Variants in CNOT8 observed in about 807,000 individuals in gnomAD.
The protein encoded by CNOT8 is CCR4-NOT transcription complex subunit 8, also known as CAF1-like protein.
A neutral mutation model predicts 34.6 loss-of-function variants in CNOT8; 18 were observed. The observed-to-expected ratio is 0.52, with a 90% CI of 0.36 to 0.77. CNOT8 has a LOEUF of 0.77. Ranked by LOEUF, CNOT8 falls within the 30% of genes least tolerant of loss-of-function variation. The probability of loss-of-function intolerance (pLI) is 0.00; values close to 1 mark genes in which losing one functional copy is unlikely to be tolerated. For missense variants in CNOT8, 189 were observed against 347.9 expected, an observed-to-expected ratio of 0.54 and a Z score of 3.63; for synonymous variants, 101 against 118.8, an observed-to-expected ratio of 0.85 and a Z score of 0.98.
At chr5:154,863,802 T>C (rs1189323633) in intron 2 of CNOT8, among the ~76,000 whole-genome samples, 5 of 152,212 alleles carry the variant, frequency 3.3e-5, no homozygotes, top group Non-Finnish European at 7.3e-5. Flanking sequence ...TGAAAGTCTT[T>C]AAAGCAGAAG....
intron 5 of CNOT8, 86 bp downstream of exon 5, chr5:154,871,960 C>T: frequency 8.6e-7 from 1 of 1,158,138 alleles, no homozygotes. Context: ...GTTCAGCATG[C>T]ATTTTTGAGT....
At chr5:154,873,476 T>C (rs1762670128) in intron 6 of CNOT8, among the ~76,000 whole-genome samples, 1 of 152,214 alleles carries the variant, frequency 6.6e-6, no homozygotes. Context: ...GTTCTGTTAA[T>C]TATTATTAAA....
intron 1 of CNOT8, among the ~76,000 whole-genome samples, chr5:154,860,579 A>G (rs1761239360): frequency 6.6e-6 from 1 of 152,134 alleles, no homozygotes; most frequent in African/African-American, 2.4e-5. Context: ...AAGTGCTGGG[A>G]TTACAGGTGT....
At chr5:154,861,502 C>A (rs1761332254) in intron 1 of CNOT8, among the ~76,000 whole-genome samples, 1 of 152,208 alleles carries the variant, frequency 6.6e-6, no homozygotes, top group South Asian at 2.1e-4. Context: ...GCTCCAGATT[C>A]TCATTGTTGC....
intron 3 of CNOT8, 182 bp from the exon 4 acceptor site, chr5:154,870,479 G>T: frequency 2.3e-6 from 1 of 436,882 alleles, no homozygotes; most frequent in Non-Finnish European, 4.0e-6. Flanking sequence ...TTTTCTATCT[G>T]TCACAGAAAT....
At chr5:154,872,411 A>T (rs1762570174) in intron 5 of CNOT8, 130 bp from the exon 6 acceptor site, 1 of 548,918 alleles carries the variant, frequency 1.8e-6, no homozygotes, top group East Asian at 3.0e-5. Context: ...AGAGGTTACT[A>T]AGGCCTGTTA....
chr5:154,860,820 G>T (rs75755916), intron 1 of CNOT8, among the ~76,000 whole-genome samples: 3,599 of 152,156 alleles, frequency 0.024, 137 homozygotes, highest in African/African-American at 0.083. Context: ...TCTGGCTTCG[G>T]CAGTCCCCAT....
At chr5:154,868,268 C>T (rs816721) in intron 3 of CNOT8, among the ~76,000 whole-genome samples, 13,533 of 103,878 alleles carry the variant, frequency 0.13, 1,327 homozygotes, top group African/African-American at 0.26. Flanking sequence ...CTTTTCTTTT[C>T]TTTTTTTTTT....
chr5:154,871,681 G>A (rs1762493757), intron 4 of CNOT8, 49 bp from the exon 5 acceptor site: 4 of 1,584,600 alleles, frequency 2.5e-6, no homozygotes, highest in East Asian at 2.2e-5. Flanking sequence ...TGAACACTGG[G>A]GCCTGATAAC....
intron 3 of CNOT8, 89 bp from the exon 4 acceptor site, chr5:154,870,572 G>A (rs1762397432): frequency 1.0e-6 from 1 of 975,982 alleles, no homozygotes; most frequent in Non-Finnish European, 1.5e-6. Flanking sequence ...AAAAATACTT[G>A]TACTATAATT....
At chr5:154,864,932 T>G (rs543904321) in intron 2 of CNOT8, among the ~76,000 whole-genome samples, 2 of 152,194 alleles carry the variant, frequency 1.3e-5, no homozygotes, top group South Asian at 4.2e-4. Context: ...TTCCAGCTAC[T>G]TAGGGAGGCT....
At chr5:154,870,393 T>G (rs79594653) in intron 3 of CNOT8, 1 of 240,302 alleles carries the variant, frequency 4.2e-6, no homozygotes. Flanking sequence ...GTTATTGGTT[T>G]TTTTTTTTTT....
intron 2 of CNOT8, among the ~76,000 whole-genome samples, chr5:154,864,694 A>T (rs1352439108): frequency 6.6e-6 from 1 of 152,126 alleles, no homozygotes; most frequent in Non-Finnish European, 1.5e-5. Context: ...TTTAGGATCA[A>T]GTTGTTGTGC....
chr5:154,876,427 G>T lies in CNOT8; in HGVS notation c.*988G>T, dbSNP rs1762927183. Reference sequence around the variant, plus strand: ...AATGTGTCTTTAAAAAGCTAGAGTGGTTACATTTAATCAGGCAGTAAGATA... The same window carrying T: ...AATGTGTCTTTAAAAAGCTAGAGTGTTTACATTTAATCAGGCAGTAAGATA... On this transcript the variant is annotated 3_prime_UTR_variant, in exon 7 of 7. Transcript: ENST00000285896. 6.6e-6 allele frequency: 1 copy of T among 152,198 alleles called. No individual in the cohort carries two copies. The allele number at this position is 152,198 out of a possible 1,614,324, so 9.4% of individuals were successfully genotyped here.
chr5:154,863,018 T>TGTGTGTGC (rs1366047592), intron 1 of CNOT8, among the ~76,000 whole-genome samples, 189 bp from the exon 2 acceptor site: 1 of 152,116 alleles, frequency 6.6e-6, no homozygotes, highest in Non-Finnish European at 1.5e-5. Context: ...AAGAACTGTG[T>TGTGTGTGC]GTGTGTGCGT....
At chr5:154,862,608 G>A (rs904118808) in intron 1 of CNOT8, among the ~76,000 whole-genome samples, 1 of 152,148 alleles carries the variant, frequency 6.6e-6, no homozygotes, top group Non-Finnish European at 1.5e-5. Flanking sequence ...AGAGGCACTG[G>A]TATGTCTAAA....
At chr5:154,868,454 G>A (rs1445221924) in intron 3 of CNOT8, among the ~76,000 whole-genome samples, 1 of 151,610 alleles carries the variant, frequency 6.6e-6, no homozygotes, top group East Asian at 1.9e-4. Context: ...TAGTAAAGAC[G>A]GGGTTTCACC....
Position 154,870,743 on chromosome 5 carries a change from GAC to G in CNOT8, c.399_400del (p.Leu134AlafsTer15). The G allele has an allele frequency of 6.2e-7, 1 of 1,613,978 alleles. No individual in the cohort carries two copies. Among genetic ancestry groups the G allele is most frequent in the Non-Finnish European group, 8.5e-7 (1 of 1,179,960 alleles). ...TCAGAAGCATGAAGAGGAAGGGATT[GAC>G]ACACTGCACTTTGCAGAGCTGCTTA... ...QFQKHEEEGI[D>X]TLHFAELLMT... On this transcript the variant is annotated frameshift_variant, in exon 4 of 7. Transcript: ENST00000285896. LOFTEE classifies it high-confidence loss of function.
chr5:154,870,994 C>T (rs1236113653), intron 4 of CNOT8, among the ~76,000 whole-genome samples, 172 bp downstream of exon 4: 1 of 152,164 alleles, frequency 6.6e-6, no homozygotes, highest in African/African-American at 2.4e-5. Context: ...CACTGGGGCT[C>T]ATATACTGGT....
Sources: gnomAD v4.1 joint callset for allele counts (sites outside exome capture counted in the v4.1 genomes callset) on GRCh38, gnomAD v4.1.1 for gene constraint, MANE v1.5 for transcripts, NCBI Gene and HGNC (gene_info 2026-07-23, HGNC 2026-07-21) for gene names.